Variants in PARD3B observed in about 807,000 individuals in gnomAD.
PARD3B encodes the protein par-3 family cell polarity regulator beta.
PARD3B carries 103 observed loss-of-function variants against 130.2 expected under a neutral mutation model. That is an observed-to-expected ratio of 0.79 (90% CI 0.67 to 0.93). The LOEUF (loss-of-function observed/expected upper bound fraction) is 0.93. Among genes scored for constraint, PARD3B ranks in the 40% least tolerant of loss-of-function variants. The pLI is 0.00. For synonymous variants in PARD3B, 583 were observed against 553.2 expected, an observed-to-expected ratio of 1.05 and a Z score of -0.76; for missense variants, 1,609 against 1,499.2, an observed-to-expected ratio of 1.07 and a Z score of -1.21.
At chr2:205,296,898 A>AT (rs912343791) in intron 16 of PARD3B, among the ~76,000 whole-genome samples, 1 of 151,582 alleles carries the variant, frequency 6.6e-6, no homozygotes, top group Non-Finnish European at 1.5e-5. Context: ...AATATGTGGC[A>AT]TTTTTTTAAT....
chr2:204,575,153 A>AAT (rs1437502132), intron 1 of PARD3B, among the ~76,000 whole-genome samples: 2 of 152,222 alleles, frequency 1.3e-5, no homozygotes, highest in African/African-American at 4.8e-5. Flanking sequence ...CTAAGACAGT[A>AAT]ATATACATGG....
At chr2:205,567,304 GTTTTTTTTTTT>G (rs59171178) in intron 22 of PARD3B, among the ~76,000 whole-genome samples, 1 of 56,402 alleles carries the variant, frequency 1.8e-5, no homozygotes, top group African/African-American at 6.8e-5. Flanking sequence ...AACATTCCTT[GTTTTTTTTTTT>G]TTTTTTTTTT....
intron 2 of PARD3B, among the ~76,000 whole-genome samples, chr2:204,782,218 G>A (rs927071932): frequency 2.0e-5 from 3 of 151,942 alleles, no homozygotes; most frequent in Non-Finnish European, 2.9e-5. Context: ...CTTTCTCTTT[G>A]TCTCTGAAAT....
intron 22 of PARD3B, among the ~76,000 whole-genome samples, chr2:205,567,855 G>A (rs946020995): frequency 6.6e-6 from 1 of 152,050 alleles, no homozygotes; most frequent in Non-Finnish European, 1.5e-5. Context: ...AAGAAAGCCA[G>A]TACAGAGCAC....
intron 20 of PARD3B, among the ~76,000 whole-genome samples, chr2:205,464,095 C>A (rs555314797): frequency 6.6e-6 from 1 of 152,034 alleles, no homozygotes; most frequent in South Asian, 2.1e-4. Context: ...GTAGTGGATA[C>A]TTCTTAAGTC....
chr2:204,877,624 T>A (rs2045894362), intron 2 of PARD3B, among the ~76,000 whole-genome samples: 1 of 152,102 alleles, frequency 6.6e-6, no homozygotes, highest in African/African-American at 2.4e-5. Flanking sequence ...TACCAAAGAA[T>A]TTCACCAAAG....
At chr2:205,102,698 A>T (rs1702865987) in intron 4 of PARD3B, among the ~76,000 whole-genome samples, 1 of 152,164 alleles carries the variant, frequency 6.6e-6, no homozygotes, top group African/African-American at 2.4e-5. Context: ...TCAATCTAAA[A>T]GTGAGAGACA....
At chr2:205,319,631 A>ACT (rs1250096494) in intron 18 of PARD3B, among the ~76,000 whole-genome samples, 1 of 151,758 alleles carries the variant, frequency 6.6e-6, no homozygotes, top group Non-Finnish European at 1.5e-5. Context: ...GGTTAGTGGG[A>ACT]CTCTATCTAA....
At chr2:205,454,167 C>T (rs1158767187) in intron 20 of PARD3B, among the ~76,000 whole-genome samples, 1 of 152,086 alleles carries the variant, frequency 6.6e-6, no homozygotes, top group African/African-American at 2.4e-5. Context: ...GCCACACTTA[C>T]TCCAGGCCTC....
intron 1 of PARD3B, among the ~76,000 whole-genome samples, chr2:204,569,967 G>A (rs1448323186): frequency 6.6e-6 from 1 of 152,058 alleles, no homozygotes; most frequent in Non-Finnish European, 1.5e-5. Context: ...GTTTGGGCCT[G>A]GAATATTGAG....
At chr2:204,709,777 T>C (rs183821347) in intron 2 of PARD3B, among the ~76,000 whole-genome samples, 129 of 152,348 alleles carry the variant, frequency 8.5e-4, no homozygotes, top group African/African-American at 3.1e-3. Context: ...TGTGGTGTTA[T>C]AGGCTACAGC....
At chr2:205,571,852 A>G (rs2053570719) in intron 22 of PARD3B, among the ~76,000 whole-genome samples, 1 of 152,238 alleles carries the variant, frequency 6.6e-6, no homozygotes, top group South Asian at 2.1e-4. Context: ...CTTTAAGAAG[A>G]TTAGAGTTCG....
In PARD3B at chr2:205,484,030, A is replaced by G. The variant is rs191161426; in HGVS notation, c.3045-15866A>G. Among the ~76,000 whole-genome samples, 10 of 152,288 alleles carry G rather than the reference A, an allele frequency of 6.6e-5. No homozygotes were observed. In the East Asian group the frequency reaches 1.9e-3, roughly 29 times the overall value. ...ACAAATGAGGAACTAATGACATCTGAGTGACTACACTTAATGCTACAAATG... is the reference window on the plus strand; with the variant it reads ...ACAAATGAGGAACTAATGACATCTGGGTGACTACACTTAATGCTACAAATG... On this transcript the variant is annotated intron_variant, in intron 20 of 22. Coordinates refer to ENST00000406610, the MANE Select transcript of PARD3B (RefSeq NM_001302769.2).
At chr2:205,601,519 A>G (rs2054784156) in intron 22 of PARD3B, among the ~76,000 whole-genome samples, 3 of 152,090 alleles carry the variant, frequency 2.0e-5, no homozygotes, top group African/African-American at 7.2e-5. Flanking sequence ...CCCATTTGCC[A>G]ATTTTTGCTT....
At chr2:205,554,922 G>A (rs6435288) in intron 22 of PARD3B, among the ~76,000 whole-genome samples, 74,804 of 151,982 alleles carry the variant, frequency 0.49, 20,284 homozygotes, top group Middle Eastern at 0.71. Flanking sequence ...ATCTGAGGTC[G>A]GGGGCTGGGG....
intron 2 of PARD3B, among the ~76,000 whole-genome samples, chr2:204,734,229 T>C (rs993929406): frequency 2.6e-5 from 4 of 152,122 alleles, no homozygotes; most frequent in African/African-American, 4.8e-5. Context: ...TTATATACAC[T>C]GAAATCACTA....
chr2:205,512,462 C>A (rs1316711423), intron 21 of PARD3B, among the ~76,000 whole-genome samples: 2 of 152,200 alleles, frequency 1.3e-5, no homozygotes, highest in African/African-American at 4.8e-5. Context: ...AAGCTTCCTT[C>A]AAATGATCAT....
At chr2:204,803,681 G>C (rs1026921091) in intron 2 of PARD3B, among the ~76,000 whole-genome samples, 2 of 151,968 alleles carry the variant, frequency 1.3e-5, no homozygotes, top group African/African-American at 4.8e-5. Flanking sequence ...AAGCCTCATG[G>C]TAACCTCAAA....
intron 18 of PARD3B, among the ~76,000 whole-genome samples, chr2:205,312,863 T>G (rs1195311805): frequency 6.6e-6 from 1 of 152,228 alleles, no homozygotes; most frequent in Non-Finnish European, 1.5e-5. Flanking sequence ...CTACTTTTTA[T>G]GACCAGCAGT....
Sources: gnomAD v4.1 joint callset for allele counts (sites outside exome capture counted in the v4.1 genomes callset) on GRCh38, gnomAD v4.1.1 for gene constraint, MANE v1.5 for transcripts, NCBI Gene and HGNC (gene_info 2026-07-23, HGNC 2026-07-21) for gene names.